RBFOX1: variants seen among roughly 807,000 people sequenced by gnomAD.
RBFOX1 encodes the protein RNA binding protein fox-1 homolog 1.
Under a neutral mutation model 57.7 loss-of-function variants are expected in RBFOX1, and 8 were observed. The observed-to-expected ratio is 0.14, with a 90% CI of 0.08 to 0.25. The LOEUF (loss-of-function observed/expected upper bound fraction) is 0.25, where lower values mean the gene tolerates loss of function less well. Ranked by LOEUF, RBFOX1 falls within the 10% of genes least tolerant of loss-of-function variation. The probability of loss-of-function intolerance (pLI) is 1.00; values close to 1 mark genes in which losing one functional copy is unlikely to be tolerated. For synonymous variants in RBFOX1, 326 were observed against 222.4 expected (o/e 1.47, Z -4.15); for missense variants, 611 against 548.5 (o/e 1.11, Z -1.14).
intron 4 of RBFOX1, among the ~76,000 whole-genome samples, chr16:7,397,223 C>T (rs73550760): frequency 7.2e-5 from 11 of 152,198 alleles, no homozygotes; most frequent in Admixed American, 2.0e-4. Flanking sequence ...GAAGAGATTT[C>T]GAAGTGAAGA....
At chr16:7,313,202 C>A (rs1439436301) in intron 4 of RBFOX1, among the ~76,000 whole-genome samples, 1 of 152,170 alleles carries the variant, frequency 6.6e-6, no homozygotes, top group African/African-American at 2.4e-5. Flanking sequence ...TGCTTAAACT[C>A]GTTGACAGGT....
chr16:6,600,233 G>A (rs996041538), intron 2 of RBFOX1, among the ~76,000 whole-genome samples: 5 of 152,052 alleles, frequency 3.3e-5, no homozygotes, highest in Non-Finnish European at 1.5e-5. Flanking sequence ...TGATGAACAC[G>A]AAATCCACCA....
At chr16:7,119,944 AT>A (rs2066747377) in intron 4 of RBFOX1, among the ~76,000 whole-genome samples, 1 of 152,150 alleles carries the variant, frequency 6.6e-6, no homozygotes, top group Non-Finnish European at 1.5e-5. Context: ...GATAAACCAT[AT>A]TCTGTATTAT....
intron 3 of RBFOX1, among the ~76,000 whole-genome samples, chr16:6,931,611 C>G (rs74412211): frequency 0.057 from 8,707 of 152,142 alleles, 821 homozygotes; most frequent in African/African-American, 0.2. Flanking sequence ...CCCACAACCA[C>G]CACAATGCTT....
chr16:7,311,949 C>T (rs1221352060), intron 4 of RBFOX1, among the ~76,000 whole-genome samples: 1 of 152,098 alleles, frequency 6.6e-6, no homozygotes, highest in Admixed American at 6.6e-5. Flanking sequence ...TATTTGGGGA[C>T]TTAATTGCTC....
At chr16:6,570,523 A>T (rs2097330670) in intron 2 of RBFOX1, among the ~76,000 whole-genome samples, 1 of 152,224 alleles carries the variant, frequency 6.6e-6, no homozygotes, top group African/African-American at 2.4e-5. Context: ...ACATACATAC[A>T]CATATAAAAT....
chr16:7,098,830 C>A (rs1273524081), intron 4 of RBFOX1, among the ~76,000 whole-genome samples: 1 of 152,038 alleles, frequency 6.6e-6, no homozygotes, highest in Non-Finnish European at 1.5e-5. Context: ...CGTGGTCTTT[C>A]TAGTGAGGCA....
intron 4 of RBFOX1, among the ~76,000 whole-genome samples, chr16:5,907,090 G>A (rs558121148): frequency 6.6e-6 from 1 of 152,278 alleles, no homozygotes; most frequent in East Asian, 1.9e-4. Flanking sequence ...TTAGGGAGGA[G>A]ATGGGGGTTG....
chr16:5,863,666 G>T (rs984144970), intron 3 of RBFOX1, among the ~76,000 whole-genome samples: 1 of 152,188 alleles, frequency 6.6e-6, no homozygotes, highest in African/African-American at 2.4e-5. Context: ...GATACCTAGA[G>T]GGGCCTCAGT....
chr16:7,579,052 T>C (rs1324374310), intron 5 of RBFOX1, among the ~76,000 whole-genome samples: 1 of 152,244 alleles, frequency 6.6e-6, no homozygotes. Flanking sequence ...TTATTCAGTA[T>C]GGAAGCAATA....
chr16:7,674,265 C>T (rs1466392862), intron 13 of RBFOX1, among the ~76,000 whole-genome samples: 1 of 152,154 alleles, frequency 6.6e-6, no homozygotes, highest in South Asian at 2.1e-4. Context: ...ATCATTTAGG[C>T]TGGTATTGTC....
At chr16:5,561,585 G>A (rs555815206) in intron 2 of RBFOX1, among the ~76,000 whole-genome samples, 123 of 152,238 alleles carry the variant, frequency 8.1e-4, no homozygotes, top group African/African-American at 2.8e-3. Flanking sequence ...GGGAAGGGGT[G>A]ACGATATAAG....
intron 3 of RBFOX1, among the ~76,000 whole-genome samples, chr16:5,775,365 T>C (rs1208069778): frequency 1.3e-5 from 2 of 152,156 alleles, no homozygotes; most frequent in South Asian, 2.1e-4. Context: ...GAATTTCTTA[T>C]AGTGGAGAAG....
intron 2 of RBFOX1, among the ~76,000 whole-genome samples, chr16:5,564,518 C>T (rs979626234): frequency 3.9e-5 from 6 of 152,102 alleles, no homozygotes; most frequent in African/African-American, 1.2e-4. Context: ...TTTCATAACA[C>T]GTGTCAGGTG....
intron 4 of RBFOX1, among the ~76,000 whole-genome samples, chr16:7,054,676 A>G (rs2153735139): frequency 6.6e-6 from 1 of 152,262 alleles, no homozygotes; most frequent in African/African-American, 2.4e-5. Context: ...AAAATTAGAA[A>G]TCTGTTTAGT....
At chr16:6,569,337 A>C (rs2097312018) in intron 2 of RBFOX1, among the ~76,000 whole-genome samples, 1 of 152,188 alleles carries the variant, frequency 6.6e-6, no homozygotes, top group African/African-American at 2.4e-5. Flanking sequence ...AGTAGTATCT[A>C]CCTCATGGAG....
At chr16:5,406,844 G>A (rs544496032) in intron 1 of RBFOX1, among the ~76,000 whole-genome samples, 10 of 152,280 alleles carry the variant, frequency 6.6e-5, no homozygotes, top group East Asian at 1.9e-4. Flanking sequence ...AGTCAGATCC[G>A]TGGGCACTCA....
chr16:6,386,356 C>G (rs1042254767), intron 2 of RBFOX1, among the ~76,000 whole-genome samples: 1 of 149,796 alleles, frequency 6.7e-6, no homozygotes, highest in African/African-American at 2.5e-5. Context: ...TTGTGTGAGC[C>G]TTTCTTTAAC....
At chr16:7,435,671 A>G (rs1446732208) in intron 4 of RBFOX1, among the ~76,000 whole-genome samples, 1 of 152,210 alleles carries the variant, frequency 6.6e-6, no homozygotes. Flanking sequence ...ACTACCAGGA[A>G]CATTGCCTGC....
Sources: allele counts gnomAD v4.1 joint callset (sites outside exome capture counted in the v4.1 genomes callset), GRCh38; gene constraint gnomAD v4.1.1; transcripts MANE v1.5; gene names NCBI Gene and HGNC (gene_info 2026-07-23, HGNC 2026-07-21).